FAXC: variants seen among roughly 807,000 people sequenced by gnomAD.
FAXC encodes the protein failed axon connections homolog, metaxin like GST domain containing.
FAXC carries 10 observed loss-of-function variants against 41.9 expected under a neutral mutation model. That is an observed-to-expected ratio of 0.24 (90% CI 0.15 to 0.41). The LOEUF (loss-of-function observed/expected upper bound fraction) is 0.41, where lower values mean the gene tolerates loss of function less well. FAXC is among the 10% of genes least tolerant of loss of function. The pLI is 1.00. For missense variants in FAXC, 399 were observed against 510.9 expected (o/e 0.78, Z 2.11); for synonymous variants, 183 against 183.8 (o/e 1.00, Z 0.03).
chr6:99,336,559 T>C (rs1031965771), intron 2 of FAXC, among the ~76,000 whole-genome samples: 1 of 152,212 alleles, frequency 6.6e-6, no homozygotes, highest in South Asian at 2.1e-4. Context: ...TCCAAGCTGA[T>C]GTTTCCTTCT....
chr6:99,336,146 G>T (rs1351338110), intron 2 of FAXC, among the ~76,000 whole-genome samples: 3 of 152,078 alleles, frequency 2.0e-5, no homozygotes, highest in Non-Finnish European at 4.4e-5. Flanking sequence ...AAACTCCTGG[G>T]CTCAAGCAAT....
chr6:99,342,978 G>T lies in FAXC; in HGVS notation c.322C>A (p.Pro108Thr). ...DAIILHQFAR[P>T]NNGVPSLSPF... ...GATAAACTTGGAACACCATTGTTAG[G>T]TCTTGCAAACTGATGCAAAATAATA... is the stretch of plus-strand genomic sequence containing the variant. Residue 108 changes from proline (P) to threonine (T), a missense_variant, in exon 2 of 6, where the codon CCT becomes ACT. By Grantham distance (38) the Pro-to-Thr change is conservative. Coordinates refer to ENST00000389677, the MANE Select transcript of FAXC (RefSeq NM_032511.4). 3 of 1,611,966 alleles carry T rather than the reference G, an allele frequency of 1.9e-6. No individual in the cohort carries two copies. The highest frequency in any genetic ancestry group is 2.5e-6 in the Non-Finnish European group (3 of 1,179,436).
chr6:99,338,677 T>A (rs56657827), intron 2 of FAXC, among the ~76,000 whole-genome samples: 7,446 of 152,290 alleles, frequency 0.049, 586 homozygotes, highest in African/African-American at 0.17. Context: ...GGTAGCAATC[T>A]CTTCCTTCAA....
At chr6:99,314,625 C>T (rs9494107) in intron 4 of FAXC, among the ~76,000 whole-genome samples, 30,896 of 152,018 alleles carry the variant, frequency 0.2, 3,153 homozygotes, top group Middle Eastern at 0.28. Context: ...AGGATCACAC[C>T]ATGTCCCAAC....
At chr6:99,346,725 A>AGT (rs1472276650) in intron 1 of FAXC, among the ~76,000 whole-genome samples, 2 of 152,158 alleles carry the variant, frequency 1.3e-5, no homozygotes, top group Non-Finnish European at 2.9e-5. Context: ...TCTAAGAGGC[A>AGT]GTGGTTAAAA....
At chr6:99,297,387 T>G (rs148088767) in intron 4 of FAXC, among the ~76,000 whole-genome samples, 3 of 152,174 alleles carry the variant, frequency 2.0e-5, no homozygotes, top group African/African-American at 7.2e-5. Context: ...GAAGCAATAT[T>G]GAGTCTGAGA....
chr6:99,345,430 CAG>C (rs1384502640), intron 1 of FAXC, among the ~76,000 whole-genome samples: 1 of 152,170 alleles, frequency 6.6e-6, no homozygotes, highest in African/African-American at 2.4e-5. Context: ...TGGTTACAGA[CAG>C]AGTCTGAATT....
intron 1 of FAXC, among the ~76,000 whole-genome samples, chr6:99,347,332 G>A (rs1329861848): frequency 4.6e-5 from 7 of 151,674 alleles, no homozygotes; most frequent in African/African-American, 1.5e-4. Context: ...AACCAGGGAG[G>A]TGGAGGTTGC....
At chr6:99,338,358 A>C (rs1022621195) in intron 2 of FAXC, among the ~76,000 whole-genome samples, 1 of 152,176 alleles carries the variant, frequency 6.6e-6, no homozygotes, top group African/African-American at 2.4e-5. Flanking sequence ...AGTTACACTA[A>C]CTACAGGCAG....
rs1770692281 is a variant in FAXC, at chr6:99,278,030, A to G, written c.*3134T>C. On this transcript the variant is annotated 3_prime_UTR_variant, in exon 6 of 6. Coordinates refer to ENST00000389677, the MANE Select transcript of FAXC (RefSeq NM_032511.4). Reference sequence around the variant, plus strand: ...TAGCTATTTCACAAAAATATACCCTAACACCACAGTATACATGGGCAGGGC... The same window carrying G: ...TAGCTATTTCACAAAAATATACCCTGACACCACAGTATACATGGGCAGGGC... 1 of 152,136 alleles carries G rather than the reference A, an allele frequency of 6.6e-6. No individual in the cohort carries two copies. The highest frequency in any genetic ancestry group is 2.4e-5 in the African/African-American group (1 of 41,426). 9.4% of individuals were successfully genotyped at this position (152,136 alleles called of 1,614,324 possible).
At position 99,292,054 on chromosome 6, in the gene FAXC, A is replaced by C. The variant is rs536840420; in HGVS notation, c.824-234T>G. ...AGCAACACAGGGAACATACCAAAAT[A>C]AGCAGATGAGGAAGGGCATTCATGG... On this transcript the variant is annotated intron_variant, in intron 4 of 5. Coordinates refer to ENST00000389677, the MANE Select transcript of FAXC (RefSeq NM_032511.4). 5.3e-5 allele frequency among the ~76,000 whole-genome samples: 8 copies of C among 152,294 alleles called. No homozygotes were observed. The East Asian group carries it at 1.5e-3, about 29-fold the overall frequency.
intron 2 of FAXC, among the ~76,000 whole-genome samples, chr6:99,341,188 G>T (rs535340576): frequency 7.9e-6 from 1 of 126,942 alleles, no homozygotes; most frequent in East Asian, 2.5e-4. Flanking sequence ...TGTTTTAAAT[G>T]AGAAAAAATA....
chr6:99,317,908 T>G (rs17053610), intron 4 of FAXC, among the ~76,000 whole-genome samples: 12,262 of 152,210 alleles, frequency 0.081, 857 homozygotes, highest in East Asian at 0.28. Flanking sequence ...AAATCTTCTA[T>G]CAGTTTTCCT....
At chr6:99,310,946 A>T (rs1262981831) in intron 4 of FAXC, among the ~76,000 whole-genome samples, 1 of 152,208 alleles carries the variant, frequency 6.6e-6, no homozygotes, top group Non-Finnish European at 1.5e-5. Flanking sequence ...GATCTAATTA[A>T]ACAGAGTAGG....
chr6:99,309,279 G>A (rs748088503), intron 4 of FAXC, among the ~76,000 whole-genome samples: 8 of 151,830 alleles, frequency 5.3e-5, no homozygotes, highest in South Asian at 2.1e-4. Context: ...AGTCAAAGTC[G>A]CTTTTCTCAG....
At chr6:99,321,743 G>C (rs143419608) in intron 4 of FAXC, among the ~76,000 whole-genome samples, 1 of 152,230 alleles carries the variant, frequency 6.6e-6, no homozygotes, top group African/African-American at 2.4e-5. Context: ...CTAAACGCGA[G>C]AGAAACAATT....
chr6:99,340,666 CTTTTTTTTTTTTTT>C (rs61071426), intron 2 of FAXC, among the ~76,000 whole-genome samples: 3 of 96,912 alleles, frequency 3.1e-5, no homozygotes, highest in Admixed American at 1.1e-4. Flanking sequence ...GCTAAAATTC[CTTTTTTTTTTTTTT>C]TTTTTTTTTA....
intron 5 of FAXC, among the ~76,000 whole-genome samples, chr6:99,282,587 G>C (rs1028728406): frequency 6.6e-6 from 1 of 152,120 alleles, no homozygotes; most frequent in Non-Finnish European, 1.5e-5. Context: ...TCTGAAACAT[G>C]CCACTCTACC....
intron 4 of FAXC, among the ~76,000 whole-genome samples, chr6:99,316,649 A>T (rs182387517): frequency 6.6e-6 from 1 of 152,274 alleles, no homozygotes; most frequent in Admixed American, 6.5e-5. Flanking sequence ...GCTTCATGGT[A>T]TAGGCTTCCC....
Sources: gnomAD v4.1 joint callset for allele counts (sites outside exome capture counted in the v4.1 genomes callset) on GRCh38, gnomAD v4.1.1 for gene constraint, MANE v1.5 for transcripts, NCBI Gene and HGNC (gene_info 2026-07-23, HGNC 2026-07-21) for gene names.